Variants in LRP1B observed in about 807,000 individuals in gnomAD.
The protein encoded by LRP1B is LDL receptor related protein 1B.
Under a neutral mutation model 556.6 loss-of-function variants are expected in LRP1B, and 217 were observed. That is an observed-to-expected ratio of 0.39 (90% confidence interval 0.35 to 0.44). The LOEUF is 0.44. Among genes scored for constraint, LRP1B ranks in the 20% least tolerant of loss-of-function variants. The pLI, the probability that LRP1B is intolerant of heterozygous loss-of-function variation, is 1.00. For synonymous variants in LRP1B, 2,047 were observed against 1,865.8 expected (o/e 1.10, Z -2.50); for missense variants, 5,053 against 5,620.8 (o/e 0.90, Z 3.23).
rs960198688 is a variant in LRP1B, at chr2:140,867,973, A to C, written c.4334+126T>G. ...GGTCTGTATCTGATTTGGGGCAAGC[A>C]AAAAAAAAATACACCTCCAATTTTA... On this transcript the variant is annotated intron_variant, in intron 26 of 90. Coordinates refer to ENST00000389484, the MANE Select transcript of LRP1B (RefSeq NM_018557.3). The C allele has an allele frequency of 9.2e-6, 7 of 756,788 alleles. No individual in the cohort carries two copies. The South Asian group carries it at 1.1e-4, about 12-fold the overall frequency. The allele number at this position is 756,788 out of a possible 1,614,324, so 46.9% of individuals were successfully genotyped here.
chr2:140,324,696 T>A (rs1558802196), intron 80 of LRP1B, among the ~76,000 whole-genome samples: 1 of 152,028 alleles, frequency 6.6e-6, no homozygotes, highest in Non-Finnish European at 1.5e-5. Context: ...TTCTAACTTT[T>A]GAAACTGAAA....
At chr2:141,098,331 T>C (rs1466716191) in intron 7 of LRP1B, among the ~76,000 whole-genome samples, 1 of 152,236 alleles carries the variant, frequency 6.6e-6, no homozygotes, top group African/African-American at 2.4e-5. Context: ...AATTATACCC[T>C]GCAATCATCT....
intron 43 of LRP1B, among the ~76,000 whole-genome samples, chr2:140,548,234 T>C (rs1680419391): frequency 6.6e-6 from 1 of 152,150 alleles, no homozygotes; most frequent in Non-Finnish European, 1.5e-5. Flanking sequence ...ACCTCATTAA[T>C]GTAGGATCTG....
In LRP1B at chr2:140,769,323, T is replaced by C. The variant is rs2104934935; in HGVS notation, c.5648A>G (p.Tyr1883Cys). 1.2e-6 allele frequency: 2 copies of C among 1,610,734 alleles called. No homozygotes were observed. Among genetic ancestry groups the C allele is most frequent in the Non-Finnish European group, 1.7e-6 (2 of 1,178,116 alleles). ...TCCCCTGATTCCTTCATGAACAGAG[T>C]ACATAAGAAATGATTCTATACCTAA... ...SCQGIESFLMYSVHEGIRGIP... is the reference protein window; with the variant it reads ...SCQGIESFLMCSVHEGIRGIP... Residue 1883 changes from tyrosine (Y) to cysteine (C), a missense_variant, in exon 35 of 91, where the codon TAC becomes TGC. Tyr to Cys is a radical substitution (Grantham distance 194). This residue lies in a region of LRP1B where 3,619 missense variants were observed against 3,931.9 expected (regional missense o/e 0.92). Coordinates refer to ENST00000389484, the MANE Select transcript of LRP1B (RefSeq NM_018557.3).
intron 25 of LRP1B, among the ~76,000 whole-genome samples, chr2:140,877,202 A>T (rs1352702936): frequency 6.6e-6 from 1 of 152,172 alleles, no homozygotes; most frequent in Non-Finnish European, 1.5e-5. Context: ...CACATATATA[A>T]ACGACTTTCG....
chr2:140,668,635 A>C (rs938678746), intron 41 of LRP1B, among the ~76,000 whole-genome samples: 1 of 152,140 alleles, frequency 6.6e-6, no homozygotes, highest in African/African-American at 2.4e-5. Context: ...ATGAAAATAA[A>C]CATAAATTTT....
chr2:141,948,317 A>T (rs1257469623), intron 1 of LRP1B, among the ~76,000 whole-genome samples: 4 of 151,818 alleles, frequency 2.6e-5, no homozygotes, highest in Non-Finnish European at 4.4e-5. Flanking sequence ...TAAATAAATA[A>T]TTAATTATAA....
At chr2:140,276,672 A>C (rs956900936) in intron 84 of LRP1B, among the ~76,000 whole-genome samples, 4 of 152,062 alleles carry the variant, frequency 2.6e-5, no homozygotes, top group African/African-American at 9.6e-5. Context: ...ATTGTCCCCA[A>C]CTGCTTTAAA....
chr2:141,519,359 T>TTATATATATATA (rs1559118033), intron 2 of LRP1B, among the ~76,000 whole-genome samples: 5 of 57,328 alleles, frequency 8.7e-5, no homozygotes, highest in Admixed American at 2.8e-4. Context: ...CTTAAGTCAA[T>TTATATATATATA]GATATATATA....
intron 20 of LRP1B, among the ~76,000 whole-genome samples, chr2:140,943,942 T>G (rs2105290412): frequency 6.6e-6 from 1 of 151,844 alleles, no homozygotes; most frequent in African/African-American, 2.4e-5. Context: ...TAAAAGAAAT[T>G]TAGACTCCCA....
rs201383263 is a variant in LRP1B, at chr2:140,912,735, A to AT, written c.3320-4659dup. 1.4e-3 allele frequency among the ~76,000 whole-genome samples: 213 copies of AT among 151,848 alleles called. 2 individuals carry two copies. Among genetic ancestry groups the AT allele is most frequent in the African/African-American group, 4.6e-3 (190 of 41,538 alleles). ...AGATAAGTAACAACAATAACAGCAA[A>AT]TTTTTTAAAAAAAATCCCCAAAACC... On this transcript the variant is annotated intron_variant, in intron 21 of 90. Transcript: ENST00000389484.
At chr2:141,301,570 C>T (rs990052660) in intron 3 of LRP1B, among the ~76,000 whole-genome samples, 1 of 152,156 alleles carries the variant, frequency 6.6e-6, no homozygotes, top group Non-Finnish European at 1.5e-5. Context: ...CTATGAGGTA[C>T]ACTTTCTTAT....
chr2:141,932,843 AAAGAG>A (rs1267389693), intron 1 of LRP1B, among the ~76,000 whole-genome samples: 1 of 152,002 alleles, frequency 6.6e-6, no homozygotes, highest in African/African-American at 2.4e-5. Context: ...GTATAAAATA[AAAGAG>A]AAGTATCATA....
At chr2:141,289,741 A>T (rs1435066450) in intron 3 of LRP1B, among the ~76,000 whole-genome samples, 2 of 152,146 alleles carry the variant, frequency 1.3e-5, no homozygotes, top group South Asian at 2.1e-4. Context: ...CAAAGATGGG[A>T]TAGGAAAACA....
At chr2:140,604,471 T>C (rs1037679227) in intron 41 of LRP1B, among the ~76,000 whole-genome samples, 1 of 152,098 alleles carries the variant, frequency 6.6e-6, no homozygotes, top group Non-Finnish European at 1.5e-5. Flanking sequence ...AATAAACCAC[T>C]ACTCTTGCAG....
intron 29 of LRP1B, among the ~76,000 whole-genome samples, chr2:140,847,387 A>C (rs577607518): frequency 9.2e-5 from 14 of 152,310 alleles, no homozygotes; most frequent in East Asian, 5.8e-4. Flanking sequence ...ATTTCATTAG[A>C]TCTTTCAGCT....
chr2:140,233,447 T>C (rs912012547), intron 90 of LRP1B, 121 bp from the exon 91 acceptor site: 2 of 589,238 alleles, frequency 3.4e-6, no homozygotes, highest in Non-Finnish European at 5.4e-6. Flanking sequence ...TTTAATTTAT[T>C]AAATAGTAAT....
At chr2:141,862,108 TATA>T (rs1698265476) in intron 1 of LRP1B, among the ~76,000 whole-genome samples, 1 of 152,144 alleles carries the variant, frequency 6.6e-6, no homozygotes, top group Non-Finnish European at 1.5e-5. Context: ...ATAAACCTTT[TATA>T]ATGACTCTAA....
At chr2:141,134,509 T>C (rs1447498169) in intron 7 of LRP1B, among the ~76,000 whole-genome samples, 1 of 151,924 alleles carries the variant, frequency 6.6e-6, no homozygotes, top group Non-Finnish European at 1.5e-5. Context: ...TTATGTGTAA[T>C]TTACTTAAGA....
Sources: gnomAD v4.1 joint callset for allele counts (sites outside exome capture counted in the v4.1 genomes callset) on GRCh38, gnomAD v4.1.1 for gene constraint, gnomAD v4.1.1 regional missense constraint, MANE v1.5 for transcripts, NCBI Gene and HGNC (gene_info 2026-07-23, HGNC 2026-07-21) for gene names.